Variants in LSM6 observed in about 807,000 individuals in gnomAD.
LSM6 encodes U6 snRNA-associated Sm-like protein LSm6.
Under a neutral mutation model 13.5 loss-of-function variants are expected in LSM6, and 2 were observed. The ratio of observed to expected loss-of-function variants is 0.15; its 90% CI spans 0.06 to 0.47. LSM6 has a LOEUF of 0.47. LSM6 is among the 20% of genes least tolerant of loss of function. The pLI is 0.97. For missense variants in LSM6, 58 were observed against 96.4 expected (o/e 0.60, Z 1.67); for synonymous variants, 43 against 34.9 (o/e 1.23, Z -0.82).
chr4:146,185,661 GCTTGT>G (rs1210081655), intron 2 of LSM6, among the ~76,000 whole-genome samples: 6 of 147,790 alleles, frequency 4.1e-5, no homozygotes, highest in South Asian at 2.1e-4. Flanking sequence ...TGTTGTTGTT[GCTTGT>G]TTGTTTGTTT....
intron 1 of LSM6, among the ~76,000 whole-genome samples, chr4:146,179,905 C>T (rs575473625): frequency 1.4e-4 from 22 of 152,336 alleles, no homozygotes; most frequent in Middle Eastern, 3.4e-3. Context: ...TACCCCAGAA[C>T]TACTGAGTAG....
At chr4:146,184,952 G>A (rs1248530578) in intron 2 of LSM6, among the ~76,000 whole-genome samples, 3 of 151,756 alleles carry the variant, frequency 2.0e-5, no homozygotes, top group East Asian at 3.9e-4. Flanking sequence ...TTTTTTAAAC[G>A]TTGAAACAGT....
intron 1 of LSM6, chr4:146,181,146 G>A (rs977960361): frequency 6.6e-6 from 1 of 152,190 alleles, no homozygotes; most frequent in East Asian, 1.9e-4. Flanking sequence ...GTTAACATTT[G>A]TTGAGCAAAA....
chr4:146,182,867 C>T (rs1157360920), intron 1 of LSM6, 45 bp from the exon 2 acceptor site: 1 of 1,135,114 alleles, frequency 8.8e-7, no homozygotes, highest in Non-Finnish European at 1.3e-6. Flanking sequence ...GAATAATCAA[C>T]TTTGGTCTTT....
chr4:146,185,311 A>G (rs1248806543), intron 2 of LSM6, among the ~76,000 whole-genome samples: 1 of 152,114 alleles, frequency 6.6e-6, no homozygotes. Flanking sequence ...CTCATTCTAC[A>G]TATATTTTCT....
intron 1 of LSM6, among the ~76,000 whole-genome samples, chr4:146,180,558 A>T (rs1031759422): frequency 6.6e-6 from 1 of 152,226 alleles, no homozygotes; most frequent in Non-Finnish European, 1.5e-5. Flanking sequence ...TTTTTCTGAC[A>T]GTTATTAACT....
intron 1 of LSM6, chr4:146,176,222 C>T (rs1454182486): frequency 6.6e-6 from 1 of 152,286 alleles, no homozygotes. Context: ...CGAACCCAGG[C>T]CTAGGCTTCG....
At chr4:146,187,588 C>T (rs759732546) in intron 3 of LSM6, 15 of 476,496 alleles carry the variant, frequency 3.1e-5, no homozygotes, top group Non-Finnish European at 5.3e-5. Context: ...TCTCTCCTTC[C>T]CTTCCTTTAG....
chr4:146,184,399 A>G (rs1235873797), intron 2 of LSM6, among the ~76,000 whole-genome samples: 1 of 152,190 alleles, frequency 6.6e-6, no homozygotes, highest in Non-Finnish European at 1.5e-5. Flanking sequence ...AGGAGGAGCT[A>G]GGACTCAAGT....
chr4:146,187,629 TACCTGG>T (rs1730376308), intron 3 of LSM6: 1 of 369,214 alleles, frequency 2.7e-6, no homozygotes, highest in Non-Finnish European at 5.0e-6. Context: ...TTGTTCTCCT[TACCTGG>T]AACCCTGCTT....
chr4:146,179,307 G>C (rs576266265), intron 1 of LSM6, among the ~76,000 whole-genome samples: 2 of 152,290 alleles, frequency 1.3e-5, no homozygotes, highest in African/African-American at 4.8e-5. Flanking sequence ...GAAATTGTCA[G>C]AACTGTTTCT....
chr4:146,181,708 AACTT>A (rs1730235672), intron 1 of LSM6, among the ~76,000 whole-genome samples: 1 of 152,230 alleles, frequency 6.6e-6, no homozygotes, highest in Non-Finnish European at 1.5e-5. Context: ...TATCCATACT[AACTT>A]TTAAGTCTCA....
chr4:146,181,819 GT>G (rs930153312), intron 1 of LSM6, among the ~76,000 whole-genome samples: 2 of 152,104 alleles, frequency 1.3e-5, no homozygotes, highest in African/African-American at 4.8e-5. Context: ...CTTAACTACA[GT>G]TTTATTAACT....
At chr4:146,179,356 A>G (rs1033317193) in intron 1 of LSM6, among the ~76,000 whole-genome samples, 1 of 152,240 alleles carries the variant, frequency 6.6e-6, no homozygotes, top group African/African-American at 2.4e-5. Context: ...ACTTAAAATT[A>G]CTTGAGCCAA....
chr4:146,177,650 AT>A (rs1730140955), intron 1 of LSM6, among the ~76,000 whole-genome samples: 1 of 151,336 alleles, frequency 6.6e-6, no homozygotes, highest in South Asian at 2.1e-4. Context: ...ATTTTTATTT[AT>A]TTTTTTATTT....
intron 3 of LSM6, among the ~76,000 whole-genome samples, chr4:146,187,940 AT>A (rs1730384227): frequency 2.6e-5 from 4 of 152,248 alleles, no homozygotes; most frequent in Admixed American, 1.3e-4. Context: ...GAAAATTATA[AT>A]AAAGTCATAT....
intron 3 of LSM6, among the ~76,000 whole-genome samples, chr4:146,188,826 T>C (rs1349101811): frequency 1.3e-5 from 2 of 150,578 alleles, no homozygotes; most frequent in Non-Finnish European, 3.0e-5. Context: ...AAAATAAAAA[T>C]AAAAAATAAA....
chr4:146,176,941 C>T (rs907014047), intron 1 of LSM6, among the ~76,000 whole-genome samples: 7 of 152,072 alleles, frequency 4.6e-5, no homozygotes, highest in African/African-American at 1.7e-4. Flanking sequence ...CACATTGCTG[C>T]AGTGTTTTCC....
At chr4:146,182,182 G>T (rs1211134163) in intron 1 of LSM6, among the ~76,000 whole-genome samples, 2 of 152,096 alleles carry the variant, frequency 1.3e-5, no homozygotes, top group African/African-American at 4.8e-5. Flanking sequence ...GTAAAATGAG[G>T]ATAAAAACAA....
Sources: allele counts gnomAD v4.1 joint callset (sites outside exome capture counted in the v4.1 genomes callset), GRCh38; gene constraint gnomAD v4.1.1; transcripts MANE v1.5; gene names NCBI Gene and HGNC (gene_info 2026-07-23, HGNC 2026-07-21).